DPH6: variants seen among roughly 807,000 people sequenced by gnomAD.
The protein encoded by DPH6 is diphthamine biosynthesis 6.
In DPH6, 33 loss-of-function variants were observed where a neutral mutation model predicts 38.2. The ratio of observed to expected loss-of-function variants is 0.86; its 90% CI spans 0.65 to 1.15. The LOEUF (loss-of-function observed/expected upper bound fraction) is 1.15. DPH6 is among the 50% of genes most tolerant of loss of function. The pLI, the probability that DPH6 is intolerant of heterozygous loss-of-function variation, is 0.00. For synonymous variants in DPH6, 108 were observed against 103.0 expected (o/e 1.05, Z -0.30); for missense variants, 325 against 320.0 (o/e 1.02, Z -0.12).
chr15:35,433,792 T>C (rs2053661140), intron 5 of DPH6, among the ~76,000 whole-genome samples: 1 of 152,200 alleles, frequency 6.6e-6, no homozygotes, highest in Non-Finnish European at 1.5e-5. Flanking sequence ...TCCCCAGATA[T>C]TCTAATTTAA....
At chr15:35,457,099 G>A (rs1045480975) in intron 3 of DPH6, among the ~76,000 whole-genome samples, 14 of 151,864 alleles carry the variant, frequency 9.2e-5, no homozygotes, top group East Asian at 2.0e-4. Flanking sequence ...GACTACAGAC[G>A]TGTACCACCA....
chr15:35,345,501 C>T (rs1327128153), intron 3 of DPH6, among the ~76,000 whole-genome samples: 2 of 151,742 alleles, frequency 1.3e-5, no homozygotes, highest in Non-Finnish European at 3.0e-5. Context: ...CATGATTATG[C>T]GTGGTTGTCT....
chr15:35,446,181 T>C (rs1189038942), intron 5 of DPH6, among the ~76,000 whole-genome samples: 1 of 151,490 alleles, frequency 6.6e-6, no homozygotes, highest in Non-Finnish European at 1.5e-5. Context: ...ACAGTATTGA[T>C]AAATACAGTA....
the DPH6 span, among the ~76,000 whole-genome samples, chr15:35,164,177 C>T: frequency 7.2e-5 from 11 of 151,924 alleles, no homozygotes; most frequent in African/African-American, 2.7e-4. Context: ...AGCATGTTAA[C>T]GGCCACCTAA....
In DPH6 at chr15:35,336,245, G is replaced by C. The variant is rs148098991; in HGVS notation, n.208-5168C>G. Among the ~76,000 whole-genome samples, 266 of 151,962 alleles carry C rather than the reference G, an allele frequency of 1.8e-3. 1 individual carries two copies. The highest frequency in any genetic ancestry group is 5.0e-3 in the East Asian group (26 of 5,172). On this transcript the variant is annotated intron_variant and non_coding_transcript_variant, in intron 3 of 3. Coordinates refer to the DPH6 transcript ENST00000558973. ...CTGCTAGATTGGGGAAGTTCTCCTGGATAATATCCTGCAGAGTGTTTTCCA... is the reference window on the plus strand; with the variant it reads ...CTGCTAGATTGGGGAAGTTCTCCTGCATAATATCCTGCAGAGTGTTTTCCA...
intron 3 of DPH6, among the ~76,000 whole-genome samples, chr15:35,504,123 A>G (rs1473902896): frequency 6.6e-6 from 1 of 152,022 alleles, no homozygotes; most frequent in Non-Finnish European, 1.5e-5. Flanking sequence ...GTACTACAAA[A>G]TACAAATCTA....
intron 3 of DPH6, among the ~76,000 whole-genome samples, chr15:35,491,988 T>C (rs1474153555): frequency 2.6e-5 from 4 of 152,076 alleles, no homozygotes; most frequent in African/African-American, 9.7e-5. Context: ...CATGTAATTA[T>C]GAAAGCTGAG....
chr15:35,194,321 A>G, the DPH6 span, among the ~76,000 whole-genome samples: 1 of 152,096 alleles, frequency 6.6e-6, no homozygotes, highest in Non-Finnish European at 1.5e-5. Context: ...AAAAGATAAT[A>G]TATGAATACA....
chr15:35,329,450 T>C (rs1368510316), downstream of DPH6, among the ~76,000 whole-genome samples: 1 of 152,206 alleles, frequency 6.6e-6, no homozygotes, highest in African/African-American at 2.4e-5. Flanking sequence ...TGTGAAATTC[T>C]AAATACCTGA....
At chr15:35,428,318 G>T (rs11853444) in intron 5 of DPH6, among the ~76,000 whole-genome samples, 50,769 of 151,560 alleles carry the variant, frequency 0.33, 9,979 homozygotes, top group African/African-American at 0.56. Context: ...CTATAAAACT[G>T]TCTTCAGAGC....
chr15:35,496,304 C>T (rs1334705591), intron 3 of DPH6, among the ~76,000 whole-genome samples: 2 of 151,666 alleles, frequency 1.3e-5, no homozygotes, highest in Non-Finnish European at 2.9e-5. Context: ...CCTATAATCC[C>T]AGCACTTTGG....
At chr15:35,314,638 T>C (rs2052172641) in intron 3 of DPH6, among the ~76,000 whole-genome samples, 1 of 152,132 alleles carries the variant, frequency 6.6e-6, no homozygotes, top group Admixed American at 6.6e-5. Flanking sequence ...GAAGCTGATC[T>C]TCTAACAACT....
At chr15:35,443,520 A>C (rs182567563) in intron 5 of DPH6, among the ~76,000 whole-genome samples, 54 of 152,238 alleles carry the variant, frequency 3.5e-4, no homozygotes, top group Admixed American at 3.5e-3. Context: ...CCCTTCTGAG[A>C]GTTTCCTTGG....
intron 6 of DPH6, among the ~76,000 whole-genome samples, chr15:35,403,428 GTTAT>G (rs1171715262): frequency 1.3e-5 from 2 of 151,912 alleles, no homozygotes; most frequent in Non-Finnish European, 2.9e-5. Context: ...CACTTTTTTA[GTTAT>G]TTAAAAATGT....
At chr15:35,416,335 A>G (rs1218277028) in intron 5 of DPH6, among the ~76,000 whole-genome samples, 1 of 152,064 alleles carries the variant, frequency 6.6e-6, no homozygotes, top group Non-Finnish European at 1.5e-5. Flanking sequence ...GAACTAGCAG[A>G]ATGTAAGAAA....
At chr15:35,225,604 C>T (rs1566843562) in intron 3 of DPH6, among the ~76,000 whole-genome samples, 1 of 152,118 alleles carries the variant, frequency 6.6e-6, no homozygotes, top group African/African-American at 2.4e-5. Context: ...CTATAACATA[C>T]TTCAGGCTCA....
At chr15:35,302,268 T>G (rs2052059507) in intron 3 of DPH6, among the ~76,000 whole-genome samples, 1 of 152,234 alleles carries the variant, frequency 6.6e-6, no homozygotes, top group Non-Finnish European at 1.5e-5. Flanking sequence ...AACCCATTTT[T>G]CATCTGCCCA....
intron 6 of DPH6, among the ~76,000 whole-genome samples, chr15:35,403,871 C>A: frequency 6.7e-6 from 1 of 150,064 alleles, no homozygotes; most frequent in East Asian, 2.0e-4. Flanking sequence ...CCCTGGTGGT[C>A]CCCCACTACC....
At chr15:35,462,158 C>T (rs1166561334) in intron 3 of DPH6, among the ~76,000 whole-genome samples, 1 of 152,142 alleles carries the variant, frequency 6.6e-6, no homozygotes, top group Non-Finnish European at 1.5e-5. Flanking sequence ...CACTTCTCAT[C>T]ACCTCCACTA....
Sources: gnomAD v4.1 joint callset for allele counts (sites outside exome capture counted in the v4.1 genomes callset) on GRCh38, gnomAD v4.1.1 for gene constraint, MANE v1.5 for transcripts, NCBI Gene and HGNC (gene_info 2026-07-23, HGNC 2026-07-21) for gene names.